Variants in PPP1R12A observed in about 807,000 individuals in gnomAD.
PPP1R12A encodes the protein protein phosphatase 1 regulatory subunit 12A.
A neutral mutation model predicts 139.6 loss-of-function variants in PPP1R12A; 19 were observed. That is an observed-to-expected ratio of 0.14 (90% CI 0.09 to 0.20). The LOEUF (loss-of-function observed/expected upper bound fraction) is 0.20. Ranked by LOEUF, PPP1R12A falls within the 10% of genes least tolerant of loss-of-function variation. The pLI, the probability that PPP1R12A is intolerant of heterozygous loss-of-function variation, is 1.00. For missense variants in PPP1R12A, 925 were observed against 1,211.5 expected (o/e 0.76, Z 3.51); for synonymous variants, 427 against 420.6 (o/e 1.02, Z -0.19).
intron 8 of PPP1R12A, among the ~76,000 whole-genome samples, chr12:79,820,123 A>G (rs1592665772): frequency 6.6e-6 from 1 of 152,286 alleles, no homozygotes; most frequent in Non-Finnish European, 1.5e-5. Context: ...AAGATTACAG[A>G]AAAAAACTCA....
At position 79,845,703 on chromosome 12, in the gene PPP1R12A, G is replaced by A. The variant is rs552383973; in HGVS notation, c.369-283C>T. On this transcript the variant is annotated intron_variant, in intron 2 of 24. Transcript: ENST00000450142. ...TACAAAAAATTAGCCGGGCGTGGTGGTGGGCGCCTGTAGTCCCAGCTACTC... is the reference window on the plus strand; with the variant it reads ...TACAAAAAATTAGCCGGGCGTGGTGATGGGCGCCTGTAGTCCCAGCTACTC... Among the ~76,000 whole-genome samples the A allele has an allele frequency of 7.9e-5, 12 of 152,172 alleles. No individual in the cohort carries two copies. In the South Asian group the frequency reaches 2.5e-3, roughly 32 times the overall value.
At chr12:79,813,090 C>A (rs1407964057) in intron 9 of PPP1R12A, among the ~76,000 whole-genome samples, 1 of 152,166 alleles carries the variant, frequency 6.6e-6, no homozygotes, top group Non-Finnish European at 1.5e-5. Context: ...ACATCTTCCA[C>A]GACTACTACT....
chr12:79,877,833 G>T (rs1883256089), intron 1 of PPP1R12A, among the ~76,000 whole-genome samples: 2 of 151,970 alleles, frequency 1.3e-5, no homozygotes, highest in Admixed American at 1.3e-4. Flanking sequence ...ATTAAATTCT[G>T]TTCACCTTTT....
chr12:79,893,353 T>C (rs1220840290), intron 1 of PPP1R12A, among the ~76,000 whole-genome samples: 2 of 152,182 alleles, frequency 1.3e-5, no homozygotes, highest in Non-Finnish European at 2.9e-5. Context: ...TAACATACTT[T>C]AAAAATTGTA....
At chr12:79,796,678 A>T in intron 17 of PPP1R12A, 104 bp downstream of exon 17, 1 of 917,582 alleles carries the variant, frequency 1.1e-6, no homozygotes, top group African/African-American at 1.7e-5. Flanking sequence ...GATGAATCAC[A>T]AGTTAGGATG....
At chr12:79,885,104 T>C (rs1232573775) in intron 1 of PPP1R12A, among the ~76,000 whole-genome samples, 1 of 152,196 alleles carries the variant, frequency 6.6e-6, no homozygotes, top group African/African-American at 2.4e-5. Flanking sequence ...AATTCTAACA[T>C]TGTTATATTC....
At chr12:79,860,586 A>G (rs1461709895) in intron 2 of PPP1R12A, among the ~76,000 whole-genome samples, 1 of 152,234 alleles carries the variant, frequency 6.6e-6, no homozygotes, top group East Asian at 1.9e-4. Flanking sequence ...TTCAATAAAA[A>G]TAATACTTTT....
intron 2 of PPP1R12A, among the ~76,000 whole-genome samples, chr12:79,857,806 A>G (rs1880857580): frequency 2.0e-5 from 3 of 152,088 alleles, no homozygotes; most frequent in South Asian, 4.1e-4. Flanking sequence ...ATAGTGCCCA[A>G]TGCTACTATC....
chr12:79,917,080 A>G (rs1887053026), intron 1 of PPP1R12A, among the ~76,000 whole-genome samples: 2 of 152,142 alleles, frequency 1.3e-5, no homozygotes, highest in South Asian at 4.1e-4. Flanking sequence ...AACATTTTTT[A>G]CATTTGAGTG....
At chr12:79,819,021 G>C (rs1875752533) in intron 8 of PPP1R12A, 1 of 152,114 alleles carries the variant, frequency 6.6e-6, no homozygotes, top group Admixed American at 6.5e-5. Flanking sequence ...GTTTACAATG[G>C]GTTAATTCTT....
chr12:79,905,697 C>G (rs1285120564), intron 1 of PPP1R12A, among the ~76,000 whole-genome samples: 1 of 152,154 alleles, frequency 6.6e-6, no homozygotes, highest in Non-Finnish European at 1.5e-5. Context: ...TCACTCTTAA[C>G]CCATGTATGT....
rs1464326842 is a variant in PPP1R12A at position 79,805,683 on chromosome 12, T to C, written c.1909A>G (p.Thr637Ala). 8 of 1,613,590 alleles carry C rather than the reference T, an allele frequency of 5.0e-6. No individual in the cohort carries two copies. The highest frequency in any genetic ancestry group is 2.2e-5 in the East Asian group (1 of 44,844). ...GTAGAAGCTGCAGCATTTACAACAGTTGGAGCAACAGGAATGGTCACTGCC... is the reference window on the plus strand; with the variant it reads ...GTAGAAGCTGCAGCATTTACAACAGCTGGAGCAACAGGAATGGTCACTGCC... ...PTAVTIPVAP[T>A]VVNAAASTTT... Residue 637 changes from threonine to alanine, a missense_variant, in exon 14 of 25, where the codon ACT becomes GCT. By Grantham distance (58) the Thr-to-Ala change is moderately conservative. This residue lies in a region of PPP1R12A where 403 missense variants were observed against 463.7 expected (regional missense o/e 0.87). Transcript: ENST00000450142.
intron 3 of PPP1R12A, among the ~76,000 whole-genome samples, chr12:79,841,603 A>G (rs1276603102): frequency 6.6e-6 from 1 of 152,236 alleles, no homozygotes; most frequent in Admixed American, 6.5e-5. Flanking sequence ...AACCAAATGC[A>G]AGAAATTTTC....
chr12:79,850,564 A>C (rs572969046), intron 2 of PPP1R12A, among the ~76,000 whole-genome samples: 1 of 152,248 alleles, frequency 6.6e-6, no homozygotes, highest in Non-Finnish European at 1.5e-5. Context: ...AGACAAAGAA[A>C]GCAATTATCA....
chr12:79,800,030 A>G (rs1487667753), intron 14 of PPP1R12A, among the ~76,000 whole-genome samples: 1 of 152,178 alleles, frequency 6.6e-6, no homozygotes, highest in Non-Finnish European at 1.5e-5. Flanking sequence ...TAAAGAGTCA[A>G]ACAAGCAAAG....
intron 1 of PPP1R12A, among the ~76,000 whole-genome samples, chr12:79,883,112 C>T (rs767102786): frequency 2.5e-4 from 38 of 151,858 alleles, no homozygotes; most frequent in Non-Finnish European, 5.3e-4. Context: ...ACTCCAGCCT[C>T]GGCGACAGAG....
intron 1 of PPP1R12A, among the ~76,000 whole-genome samples, chr12:79,924,585 T>C (rs566021647): frequency 1.3e-5 from 2 of 152,180 alleles, no homozygotes; most frequent in South Asian, 2.1e-4. Context: ...CGTGTCGCCA[T>C]GCTCAGCTAA....
At chr12:79,846,145 T>TTTTA (rs60025168) in intron 2 of PPP1R12A, among the ~76,000 whole-genome samples, 54,687 of 151,872 alleles carry the variant, frequency 0.36, 17,222 homozygotes, top group African/African-American at 0.81. Context: ...CACTAGGTCT[T>TTTTA]TTTAATATTT....
At chr12:79,780,736 A>C (rs563661770) in intron 23 of PPP1R12A, 1 of 152,288 alleles carries the variant, frequency 6.6e-6, no homozygotes, top group South Asian at 2.1e-4. Context: ...ATATTCTAAC[A>C]GGATATAATA....
Sources: allele counts gnomAD v4.1 joint callset (sites outside exome capture counted in the v4.1 genomes callset), GRCh38; gene constraint gnomAD v4.1.1; regional missense constraint gnomAD v4.1.1; transcripts MANE v1.5; gene names NCBI Gene and HGNC (gene_info 2026-07-23, HGNC 2026-07-21).